EYS: variants seen among roughly 807,000 people sequenced by gnomAD.
EYS encodes the protein protein eyes shut homolog.
A neutral mutation model predicts 282.1 loss-of-function variants in EYS; 250 were observed. That is an observed-to-expected ratio of 0.89 (90% CI 0.80 to 0.98). The LOEUF (loss-of-function observed/expected upper bound fraction) is 0.98, where lower values mean the gene tolerates loss of function less well. Among genes scored for constraint, EYS ranks in the 50% least tolerant of loss-of-function variants. The pLI, the probability that EYS is intolerant of heterozygous loss-of-function variation, is 0.00. For synonymous variants in EYS, 1,355 were observed against 1,282.9 expected, an observed-to-expected ratio of 1.06 and a Z score of -1.20; for missense variants, 4,016 against 3,709.0, an observed-to-expected ratio of 1.08 and a Z score of -2.15.
intron 29 of EYS, among the ~76,000 whole-genome samples, chr6:64,352,107 T>C (rs1771663805): frequency 6.6e-6 from 1 of 151,538 alleles, no homozygotes; most frequent in African/African-American, 2.4e-5. Context: ...CCAACACCAC[T>C]ACCCATTCTA....
At chr6:63,780,196 T>C (rs992134241) in intron 39 of EYS, among the ~76,000 whole-genome samples, 1 of 152,196 alleles carries the variant, frequency 6.6e-6, no homozygotes, top group Non-Finnish European at 1.5e-5. Context: ...TGAATAGTGC[T>C]GCAATAAACA....
At chr6:64,173,976 C>T (rs1764554172) in intron 31 of EYS, among the ~76,000 whole-genome samples, 1 of 152,034 alleles carries the variant, frequency 6.6e-6, no homozygotes. Flanking sequence ...TATGATGAAG[C>T]ATTATTTTAC....
intron 26 of EYS, among the ~76,000 whole-genome samples, chr6:64,507,096 A>T (rs747962277): frequency 5.3e-5 from 8 of 151,910 alleles, no homozygotes; most frequent in Non-Finnish European, 1.0e-4. Context: ...TTTTGTGGTA[A>T]CATGGTACTG....
rs200492676 is a variant in EYS, at chr6:64,259,646, A to ACGCG, written c.6192-28826_6192-28823dup. 3.0e-3 allele frequency among the ~76,000 whole-genome samples: 432 copies of ACGCG among 146,344 alleles called. 3 individuals are homozygous for ACGCG. Among genetic ancestry groups the ACGCG allele is most frequent in the African/African-American group, 0.01 (394 of 38,776 alleles). On this transcript the variant is annotated intron_variant, in intron 30 of 42. Coordinates refer to ENST00000503581, the MANE Select transcript of EYS (RefSeq NM_001142800.2). ...CTACTCTCTCCCAGTACTTTTACACACGCGCACACACACACACACACACAC... is the reference window on the plus strand; with the variant it reads ...CTACTCTCTCCCAGTACTTTTACACACGCGCGCGCACACACACACACACACACAC...
intron 2 of EYS, among the ~76,000 whole-genome samples, chr6:65,611,533 G>T (rs1766002357): frequency 6.6e-6 from 1 of 151,824 alleles, no homozygotes; most frequent in African/African-American, 2.4e-5. Context: ...AGCAGAAAAA[G>T]ACTGAAAAGA....
chr6:64,095,471 G>A (rs1198845489), intron 31 of EYS, among the ~76,000 whole-genome samples: 1 of 152,060 alleles, frequency 6.6e-6, no homozygotes, highest in Non-Finnish European at 1.5e-5. Flanking sequence ...AGGATAGTTA[G>A]CTCTTCTTGT....
intron 31 of EYS, among the ~76,000 whole-genome samples, chr6:64,155,396 ACAGTCCTCT>A (rs1304972197): frequency 2.6e-5 from 4 of 151,820 alleles, no homozygotes; most frequent in Non-Finnish European, 5.9e-5. Flanking sequence ...TAAAGAGTGA[ACAGTCCTCT>A]GCAGCCATGG....
chr6:65,565,786 A>C (rs1769258610), intron 2 of EYS, among the ~76,000 whole-genome samples: 1 of 152,110 alleles, frequency 6.6e-6, no homozygotes, highest in South Asian at 2.1e-4. Context: ...GGACTAGTTC[A>C]TGTCCTTTGT....
chr6:65,630,688 G>C (rs1766880982), intron 2 of EYS, among the ~76,000 whole-genome samples: 1 of 152,186 alleles, frequency 6.6e-6, no homozygotes. Flanking sequence ...GCACATCACA[G>C]TGTCATTGTC....
At chr6:65,698,131 T>G (rs1769524610) in intron 1 of EYS, among the ~76,000 whole-genome samples, 1 of 152,108 alleles carries the variant, frequency 6.6e-6, no homozygotes, top group Admixed American at 6.5e-5. Context: ...ATCTGGGAAA[T>G]ACTTATTTGT....
chr6:65,492,067 A>C (rs1766065686), intron 4 of EYS, among the ~76,000 whole-genome samples: 2 of 152,226 alleles, frequency 1.3e-5, no homozygotes, highest in Admixed American at 6.5e-5. Flanking sequence ...TAAGCCATCC[A>C]GTCTATGGTA....
At position 63,984,883 on chromosome 6, in the gene EYS, AT is replaced by A. The variant is rs1161635850; in HGVS notation, c.6835-281del. 3.3e-5 allele frequency among the ~76,000 whole-genome samples: 5 copies of A among 151,656 alleles called. No homozygotes were observed. In the East Asian group the frequency reaches 7.8e-4, roughly 24 times the overall value. Reference sequence around the variant, plus strand: ...AAACTTGCTGATTGATTACTTTGAAATTTTTTTTGAGCTGATGTGTTTGCAT... The same window carrying A: ...AAACTTGCTGATTGATTACTTTGAAATTTTTTTGAGCTGATGTGTTTGCAT... On this transcript the variant is annotated intron_variant, in intron 34 of 42. Transcript: ENST00000503581.
intron 41 of EYS, among the ~76,000 whole-genome samples, chr6:63,756,834 G>A (rs1216289870): frequency 6.6e-6 from 1 of 152,042 alleles, no homozygotes; most frequent in Non-Finnish European, 1.5e-5. Flanking sequence ...AGGTTTCATG[G>A]ACATTTATCA....
chr6:64,713,566 G>T lies in EYS; in HGVS notation c.3444-87321C>A, dbSNP rs185790395. ...CTAATATAGACTCCTTAAGGCATCA[G>T]CAGCAGCTTGCATCAGGCGCCCTAG... On this transcript the variant is annotated intron_variant, in intron 22 of 42. Transcript: ENST00000503581. Among the ~76,000 whole-genome samples the T allele has an allele frequency of 1.4e-4, 22 of 152,222 alleles. No individual in the cohort carries two copies. The East Asian group carries it at 2.1e-3, about 15-fold the overall frequency.
At chr6:65,663,206 T>C (rs919015027) in intron 1 of EYS, among the ~76,000 whole-genome samples, 2 of 152,102 alleles carry the variant, frequency 1.3e-5, no homozygotes, top group African/African-American at 4.8e-5. Context: ...CTCTAAAAAT[T>C]CATGCTAGTT....
chr6:64,791,864 T>C (rs1438385108), intron 22 of EYS, among the ~76,000 whole-genome samples: 1 of 151,918 alleles, frequency 6.6e-6, no homozygotes, highest in Admixed American at 6.6e-5. Context: ...ATCGTATATA[T>C]TTATAGTTTT....
intron 31 of EYS, among the ~76,000 whole-genome samples, chr6:64,106,846 G>A (rs780908426): frequency 2.5e-4 from 37 of 150,756 alleles, no homozygotes; most frequent in Non-Finnish European, 4.4e-4. Context: ...CAGATCTTGG[G>A]TATTCTGTTC....
At chr6:65,399,066 A>G (rs563616499) in intron 7 of EYS, among the ~76,000 whole-genome samples, 149 of 152,120 alleles carry the variant, frequency 9.8e-4, no homozygotes, top group African/African-American at 3.5e-3. Context: ...GTCAGTCACC[A>G]CCAACTCTGG....
intron 1 of EYS, among the ~76,000 whole-genome samples, chr6:65,669,912 A>C (rs758587769): frequency 6.6e-6 from 1 of 152,052 alleles, no homozygotes; most frequent in Non-Finnish European, 1.5e-5. Context: ...AATAATGTTT[A>C]TAACATATAC....
Sources: gnomAD v4.1 joint callset for allele counts (sites outside exome capture counted in the v4.1 genomes callset) on GRCh38, gnomAD v4.1.1 for gene constraint, MANE v1.5 for transcripts, NCBI Gene and HGNC (gene_info 2026-07-23, HGNC 2026-07-21) for gene names.